RAP1GAP2: variants seen among roughly 807,000 people sequenced by gnomAD.
RAP1GAP2 encodes the protein rap1 GTPase-activating protein 2.
In RAP1GAP2, 27 loss-of-function variants were observed where a neutral mutation model predicts 95.0. The ratio of observed to expected loss-of-function variants is 0.28; its 90% confidence interval spans 0.21 to 0.39. The LOEUF (loss-of-function observed/expected upper bound fraction) is 0.39. RAP1GAP2 is among the 10% of genes least tolerant of loss of function. RAP1GAP2 has a pLI of 1.00. For missense variants in RAP1GAP2, 771 were observed against 970.0 expected (o/e 0.79, Z 2.72); for synonymous variants, 373 against 380.9 (o/e 0.98, Z 0.24).
chr17:2,943,256 G>A (rs2043572056), intron 3 of RAP1GAP2, among the ~76,000 whole-genome samples: 1 of 152,044 alleles, frequency 6.6e-6, no homozygotes, highest in South Asian at 2.1e-4. Context: ...TCAACAGGGT[G>A]GAAAGGCAGC....
At chr17:2,835,488 TG>T (rs1248158371) in intron 2 of RAP1GAP2, among the ~76,000 whole-genome samples, 1 of 152,266 alleles carries the variant, frequency 6.6e-6, no homozygotes, top group East Asian at 1.9e-4. Flanking sequence ...CCCACAGTGC[TG>T]GAATTACAGG....
At chr17:2,917,430 C>T (rs1459137679) in intron 3 of RAP1GAP2, among the ~76,000 whole-genome samples, 2 of 152,074 alleles carry the variant, frequency 1.3e-5, no homozygotes, top group Admixed American at 6.6e-5. Context: ...GCCACCACGC[C>T]CAGCTAATTT....
At chr17:2,809,713 C>G (rs778825195) in intron 2 of RAP1GAP2, among the ~76,000 whole-genome samples, 2 of 152,180 alleles carry the variant, frequency 1.3e-5, no homozygotes, top group Admixed American at 6.5e-5. Context: ...AGAATTGCTC[C>G]CACTTGGCTC....
Position 3,032,424 on chromosome 17 carries a change from A to G in RAP1GAP2, c.*5A>G, listed in dbSNP as rs756183512. 1 of 1,613,922 alleles carries G rather than the reference A, an allele frequency of 6.2e-7. No individual in the cohort carries two copies. The highest frequency in any genetic ancestry group is 1.7e-5 in the Admixed American group (1 of 60,030). On this transcript the variant is annotated 3_prime_UTR_variant, in exon 24 of 25. Coordinates refer to ENST00000254695, the MANE Select transcript of RAP1GAP2 (RefSeq NM_015085.5). ...TTGTTGAAACAGGGTCACTAATGTGAAAGTGGAGTCCTTCGCCTGTCCAAG... is the reference window on the plus strand; with the variant it reads ...TTGTTGAAACAGGGTCACTAATGTGGAAGTGGAGTCCTTCGCCTGTCCAAG...
chr17:2,829,743 G>C (rs1303790124), intron 2 of RAP1GAP2, among the ~76,000 whole-genome samples: 1 of 152,116 alleles, frequency 6.6e-6, no homozygotes, highest in Admixed American at 6.6e-5. Context: ...CAGAGTTAGG[G>C]CTGCAGGTTG....
chr17:2,950,605 ATTTTTTTTTT>A (rs3035074), intron 3 of RAP1GAP2, among the ~76,000 whole-genome samples: 1 of 78,070 alleles, frequency 1.3e-5, no homozygotes, highest in East Asian at 3.3e-4. Flanking sequence ...ATTTGCTTCA[ATTTTTTTTTT>A]TTTTTTTTTT....
chr17:2,776,328 C>T (rs1257912823), upstream of RAP1GAP2, among the ~76,000 whole-genome samples: 2 of 152,228 alleles, frequency 1.3e-5, no homozygotes, highest in Admixed American at 6.5e-5. Context: ...CTCAGTAGAT[C>T]AGGAGCCCCC....
At chr17:3,024,119 T>G (rs1026251710) in intron 19 of RAP1GAP2, among the ~76,000 whole-genome samples, 1 of 151,826 alleles carries the variant, frequency 6.6e-6, no homozygotes, top group Non-Finnish European at 1.5e-5. Context: ...AGAGGCTCAG[T>G]AGAGTACCAC....
At chr17:2,770,206 A>T (rs2068363334) in intron 1 of RAP1GAP2, 2 of 396,448 alleles carry the variant, frequency 5.0e-6, no homozygotes, top group Non-Finnish European at 4.4e-6. Flanking sequence ...TTTCTGGCAG[A>T]TGAGCAGGAG....
At chr17:3,020,288 G>GA (rs2046912247) in intron 18 of RAP1GAP2, among the ~76,000 whole-genome samples, 189 bp from the exon 19 acceptor site, 1 of 152,256 alleles carries the variant, frequency 6.6e-6, no homozygotes, top group African/African-American at 2.4e-5. Context: ...ACACAGGGAA[G>GA]GAGGCTGTGA....
At chr17:2,929,965 C>G (rs73294660) in intron 3 of RAP1GAP2, among the ~76,000 whole-genome samples, 2,871 of 152,326 alleles carry the variant, frequency 0.019, 101 homozygotes, top group African/African-American at 0.065. Context: ...AGACTCGTCA[C>G]TCCCGGAGCC....
intron 9 of RAP1GAP2, 91 bp downstream of exon 9, chr17:2,980,456 T>C: frequency 7.4e-7 from 1 of 1,342,956 alleles, no homozygotes. Context: ...CTGGGTAGGC[T>C]CAGCCCTTAG....
chr17:2,763,168 C>A (rs1233085166), intron 1 of RAP1GAP2, among the ~76,000 whole-genome samples: 1 of 152,162 alleles, frequency 6.6e-6, no homozygotes, highest in African/African-American at 2.4e-5. Context: ...TCTACGTTAA[C>A]AAGTTGGACT....
chr17:2,832,760 G>A (rs1021974060), intron 2 of RAP1GAP2, among the ~76,000 whole-genome samples: 9 of 151,714 alleles, frequency 5.9e-5, no homozygotes, highest in Non-Finnish European at 1.0e-4. Flanking sequence ...GCGATGGCTC[G>A]AGGTCAGGAA....
At chr17:2,960,139 A>AAC (rs1555578042) in intron 4 of RAP1GAP2, among the ~76,000 whole-genome samples, 10 of 151,392 alleles carry the variant, frequency 6.6e-5, no homozygotes, top group South Asian at 6.2e-4. Flanking sequence ...AAAAAAAAAA[A>AAC]AACAACAAAA....
At position 3,008,472 on chromosome 17, in the gene RAP1GAP2, C is replaced by T. The variant is rs965082356; in HGVS notation, c.1494+327C>T. Among the ~76,000 whole-genome samples, 3 of 152,332 alleles carry T rather than the reference C, an allele frequency of 2.0e-5. No homozygotes were observed. Among genetic ancestry groups the T allele is most frequent in the Non-Finnish European group, 4.4e-5 (3 of 68,032 alleles). On this transcript the variant is annotated intron_variant, in intron 17 of 24. Transcript: ENST00000254695. The surrounding 1 kb of genome is among the most constrained non-coding windows in gnomAD (Gnocchi z 4.2). The stretch of plus-strand genomic sequence containing the variant: ...AGCAAGCCAGGAACATCGGCGCTTT[C>T]ACCTGCCTCCTCCTGGGTTGGGGAG...
At chr17:2,808,475 C>T (rs895838007) in intron 2 of RAP1GAP2, among the ~76,000 whole-genome samples, 10 of 152,200 alleles carry the variant, frequency 6.6e-5, no homozygotes, top group Admixed American at 4.6e-4. Flanking sequence ...CCACCATATA[C>T]CTCCTGCCCT....
intron 3 of RAP1GAP2, among the ~76,000 whole-genome samples, chr17:2,907,192 A>T (rs1397102541): frequency 6.6e-6 from 1 of 152,202 alleles, no homozygotes; most frequent in African/African-American, 2.4e-5. Flanking sequence ...CACCAGAAAG[A>T]TGAAAGGCTC....
intron 3 of RAP1GAP2, among the ~76,000 whole-genome samples, chr17:2,930,738 G>C (rs370298174): frequency 2.0e-5 from 3 of 152,168 alleles, no homozygotes; most frequent in Non-Finnish European, 2.9e-5. Flanking sequence ...GTGCTTGAGT[G>C]GGGGGACCAC....
Sources: allele counts gnomAD v4.1 joint callset (sites outside exome capture counted in the v4.1 genomes callset), GRCh38; gene constraint gnomAD v4.1.1; non-coding constraint Gnocchi (gnomAD v3.1); transcripts MANE v1.5; gene names NCBI Gene and HGNC (gene_info 2026-07-23, HGNC 2026-07-21).